The following ROBO2 variants were observed in gnomAD, a reference collection of about 807,000 sequenced individuals.
ROBO2 encodes roundabout homolog 2.
ROBO2 carries 53 observed loss-of-function variants against 160.8 expected under a neutral mutation model. The observed-to-expected ratio is 0.33, with a 90% CI of 0.26 to 0.41. ROBO2 has a LOEUF of 0.41. Ranked by LOEUF, ROBO2 falls within the 10% of genes least tolerant of loss-of-function variation. ROBO2 has a pLI of 1.00. For missense variants in ROBO2, 1,577 were observed against 1,722.4 expected (o/e 0.92, Z 1.49); for synonymous variants, 664 against 611.7 (o/e 1.09, Z -1.26).
At chr3:76,893,548 A>G (rs147970445) in intron 2 of ROBO2, among the ~76,000 whole-genome samples, 2 of 152,020 alleles carry the variant, frequency 1.3e-5, no homozygotes, top group Admixed American at 6.6e-5. Flanking sequence ...TTGATGTATA[A>G]CATATTACAT....
At chr3:77,620,811 T>C (rs569430851) in intron 22 of ROBO2, among the ~76,000 whole-genome samples, 14 of 152,312 alleles carry the variant, frequency 9.2e-5, no homozygotes, top group Admixed American at 7.2e-4. Context: ...CAAAGAAAAG[T>C]AATCTAATGT....
At chr3:75,917,759 G>A (rs570988839) in intron 1 of ROBO2, among the ~76,000 whole-genome samples, 103 of 152,230 alleles carry the variant, frequency 6.8e-4, no homozygotes, top group African/African-American at 2.4e-3. Context: ...TGTCATTGTG[G>A]TTTTGATTTG....
At chr3:76,444,174 C>T (rs1330379047) in intron 2 of ROBO2, among the ~76,000 whole-genome samples, 2 of 151,920 alleles carry the variant, frequency 1.3e-5, no homozygotes, top group Non-Finnish European at 2.9e-5. Context: ...GAGACGGGGT[C>T]TCATCATGTT....
intron 2 of ROBO2, among the ~76,000 whole-genome samples, chr3:77,150,326 G>A (rs2077449756): frequency 6.6e-6 from 1 of 152,132 alleles, no homozygotes; most frequent in Admixed American, 6.5e-5. Context: ...GCTGTCCCGG[G>A]TGAGAGAAAA....
chr3:76,108,335 A>G (rs548797601), intron 2 of ROBO2, among the ~76,000 whole-genome samples: 30 of 152,198 alleles, frequency 2.0e-4, no homozygotes, highest in Admixed American at 5.2e-4. Context: ...ATTTCATGGC[A>G]TAGAAAAATT....
chr3:76,383,407 G>A (rs1232818872), intron 2 of ROBO2, among the ~76,000 whole-genome samples: 1 of 152,114 alleles, frequency 6.6e-6, no homozygotes, highest in Non-Finnish European at 1.5e-5. Flanking sequence ...AGAATATATT[G>A]CTGCTTTTGA....
intron 2 of ROBO2, among the ~76,000 whole-genome samples, chr3:76,956,936 T>C (rs1423336610): frequency 6.6e-6 from 1 of 152,066 alleles, no homozygotes; most frequent in Non-Finnish European, 1.5e-5. Context: ...TAACTAAATG[T>C]ATACAATTCC....
At position 75,974,955 on chromosome 3, in the gene ROBO2, G is replaced by A. The variant is rs529564772; in HGVS notation, c.109+37353G>A. On this transcript the variant is annotated intron_variant, in intron 2 of 26. Transcript: ENST00000487694. ...TGATGAGCTTTATTTTATTTTTGTC[G>A]GGCTATAACATATTTTTAACCTGTC... Among the ~76,000 whole-genome samples, 20 of 150,810 alleles carry A rather than the reference G, an allele frequency of 1.3e-4. No homozygotes were observed. In the South Asian group the frequency reaches 2.3e-3, roughly 17 times the overall value.
intron 2 of ROBO2, among the ~76,000 whole-genome samples, chr3:76,600,198 T>C (rs4539942): frequency 0.94 from 143,837 of 152,232 alleles, 68,469 homozygotes; most frequent in Non-Finnish European, 1. Flanking sequence ...AAGTCTTTAA[T>C]CCACCTTGAA....
At chr3:76,810,593 C>A (rs1174831893) in intron 2 of ROBO2, among the ~76,000 whole-genome samples, 1 of 151,952 alleles carries the variant, frequency 6.6e-6, no homozygotes, top group Admixed American at 6.6e-5. Flanking sequence ...AGGCAGCATT[C>A]ATATTTTGGG....
chr3:76,030,136 A>T (rs2066871537), intron 2 of ROBO2, among the ~76,000 whole-genome samples: 1 of 151,968 alleles, frequency 6.6e-6, no homozygotes, highest in Non-Finnish European at 1.5e-5. Context: ...GCATTTTTTC[A>T]TGTGTCTGTT....
chr3:76,290,126 G>A (rs34518088), intron 2 of ROBO2, among the ~76,000 whole-genome samples: 5,891 of 152,206 alleles, frequency 0.039, 323 homozygotes, highest in African/African-American at 0.12. Flanking sequence ...TAATCCATGA[G>A]CATGGACTGT....
chr3:76,219,496 C>T (rs1204394683), intron 2 of ROBO2, among the ~76,000 whole-genome samples: 1 of 152,086 alleles, frequency 6.6e-6, no homozygotes, highest in Non-Finnish European at 1.5e-5. Context: ...ACAAACAACC[C>T]CATCAAAAAG....
intron 2 of ROBO2, among the ~76,000 whole-genome samples, chr3:76,375,136 A>G (rs1455794634): frequency 6.6e-6 from 1 of 151,948 alleles, no homozygotes; most frequent in Non-Finnish European, 1.5e-5. Flanking sequence ...AGTTTTCAGA[A>G]TTAGATTTCA....
At chr3:77,196,897 T>C (rs1224149696) in intron 2 of ROBO2, among the ~76,000 whole-genome samples, 2 of 150,138 alleles carry the variant, frequency 1.3e-5, no homozygotes, top group African/African-American at 4.9e-5. Context: ...TTGAGCCTAA[T>C]ATATCAAAAA....
At chr3:77,237,383 C>T (rs557009397) in intron 2 of ROBO2, among the ~76,000 whole-genome samples, 13 of 132,614 alleles carry the variant, frequency 9.8e-5, no homozygotes, top group Middle Eastern at 3.8e-3. Flanking sequence ...CTTTTTTTTT[C>T]TTTTTCCTGT....
At chr3:76,252,179 T>A (rs963018314) in intron 2 of ROBO2, among the ~76,000 whole-genome samples, 4 of 151,978 alleles carry the variant, frequency 2.6e-5, no homozygotes, top group Non-Finnish European at 5.9e-5. Flanking sequence ...TTAAAGTGAG[T>A]TAACTGACCT....
chr3:77,214,088 A>G (rs187183017), intron 2 of ROBO2, among the ~76,000 whole-genome samples: 1 of 152,318 alleles, frequency 6.6e-6, no homozygotes, highest in African/African-American at 2.4e-5. Flanking sequence ...GTAGATGTCT[A>G]TTAAGTCTGC....
chr3:77,024,987 T>A (rs867053498), intron 2 of ROBO2, among the ~76,000 whole-genome samples: 11 of 150,522 alleles, frequency 7.3e-5, no homozygotes, highest in South Asian at 4.2e-4. Context: ...TTTTTTGTTT[T>A]AAAAAAAAAG....
Sources: allele counts gnomAD v4.1 joint callset (sites outside exome capture counted in the v4.1 genomes callset), GRCh38; gene constraint gnomAD v4.1.1; transcripts MANE v1.5; gene names NCBI Gene and HGNC (gene_info 2026-07-23, HGNC 2026-07-21).